The following LOC128462377 variants were observed in gnomAD, a reference collection of about 807,000 sequenced individuals.
chr16:89,381,886 G>A, the LOC128462377 span, among the ~76,000 whole-genome samples: 6 of 152,240 alleles, frequency 3.9e-5, no homozygotes, highest in Admixed American at 2.0e-4. Flanking sequence ...GGCCACTCAC[G>A]TGGTGACCAC....
the LOC128462377 span, among the ~76,000 whole-genome samples, chr16:89,395,027 A>T: frequency 2.0e-5 from 3 of 152,254 alleles, no homozygotes; most frequent in Non-Finnish European, 4.4e-5. Context: ...AGTCACTGCA[A>T]TCCAGATCAT....
chr16:89,338,503 G>A, the LOC128462377 span, among the ~76,000 whole-genome samples: 1 of 151,416 alleles, frequency 6.6e-6, no homozygotes, highest in Admixed American at 6.6e-5. Flanking sequence ...GCCGAGGCGG[G>A]CAATCACCTG....
the LOC128462377 span, among the ~76,000 whole-genome samples, chr16:89,391,205 G>A: frequency 6.7e-6 from 1 of 149,714 alleles, no homozygotes; most frequent in South Asian, 2.1e-4. Flanking sequence ...TCCAGCCTGG[G>A]CGACAGAGCG....
At chr16:89,324,547 G>T in the LOC128462377 span, 1 of 455,972 alleles carries the variant, frequency 2.2e-6, no homozygotes, top group East Asian at 6.9e-5. Flanking sequence ...GTCAGTGGAC[G>T]GGGAGAGGCC....
the LOC128462377 span, among the ~76,000 whole-genome samples, chr16:89,329,995 A>AAAAATAAAATAAATAAAATAAAAT: frequency 6.8e-6 from 1 of 146,212 alleles, no homozygotes; most frequent in African/African-American, 2.6e-5. Context: ...ACCTTGTCTC[A>AAAAATAAAATAAATAAAATAAAAT]AAAATAAAAT....
At chr16:89,345,131 T>A in the LOC128462377 span, among the ~76,000 whole-genome samples, 31 of 151,340 alleles carry the variant, frequency 2.0e-4, no homozygotes, top group African/African-American at 7.3e-4. Flanking sequence ...TCTGGGAGCA[T>A]CCACCAGGAA....
chr16:89,383,666 C>T, the LOC128462377 span, among the ~76,000 whole-genome samples: 2 of 152,062 alleles, frequency 1.3e-5, no homozygotes, highest in Non-Finnish European at 2.9e-5. Flanking sequence ...CCCCTACCCT[C>T]GGACCAGCAA....
the LOC128462377 span, among the ~76,000 whole-genome samples, chr16:89,364,537 G>C: frequency 6.6e-6 from 1 of 152,146 alleles, no homozygotes; most frequent in Non-Finnish European, 1.5e-5. Flanking sequence ...AAACAGCGCT[G>C]AGCACAGCAG....
chr16:89,414,037 C>A, the LOC128462377 span, among the ~76,000 whole-genome samples: 3 of 149,438 alleles, frequency 2.0e-5, no homozygotes, highest in South Asian at 4.2e-4. Context: ...CCTGCACACC[C>A]TCCGCCACGG....
the LOC128462377 span, among the ~76,000 whole-genome samples, chr16:89,342,436 A>G: frequency 1.3e-5 from 2 of 152,230 alleles, no homozygotes; most frequent in Admixed American, 6.5e-5. Flanking sequence ...AATACTCTGG[A>G]CCAGGTTTGC....
At chr16:89,357,075 A>G in the LOC128462377 span, among the ~76,000 whole-genome samples, 9 of 152,364 alleles carry the variant, frequency 5.9e-5, no homozygotes, top group East Asian at 1.5e-3. Flanking sequence ...CAGAATAGCC[A>G]AAGGGCAGTG....
At chr16:89,346,872 T>C in the LOC128462377 span, among the ~76,000 whole-genome samples, 46 of 152,028 alleles carry the variant, frequency 3.0e-4, no homozygotes, top group African/African-American at 1.1e-3. Flanking sequence ...AAAGCAAACA[T>C]GTAACAGAGA....
chr16:89,321,370 G>C, the LOC128462377 span: 2 of 152,076 alleles, frequency 1.3e-5, no homozygotes, highest in African/African-American at 4.8e-5. Flanking sequence ...GACACCTGTC[G>C]GGCGGGGCAG....
chr16:89,368,967 G>T, the LOC128462377 span, among the ~76,000 whole-genome samples: 1 of 152,090 alleles, frequency 6.6e-6, no homozygotes, highest in Admixed American at 6.5e-5. Flanking sequence ...CTTCGTGCTC[G>T]CCTGGAGGGA....
the LOC128462377 span, among the ~76,000 whole-genome samples, chr16:89,351,591 C>T: frequency 6.6e-6 from 1 of 152,230 alleles, no homozygotes; most frequent in Non-Finnish European, 1.5e-5. Context: ...CGAAGCTTCT[C>T]TCTGTGTTTG....
the LOC128462377 span, among the ~76,000 whole-genome samples, chr16:89,334,144 T>TAAA: frequency 5.3e-3 from 218 of 41,374 alleles, 19 homozygotes; most frequent in African/African-American, 0.013. Context: ...CCCTGTGTTT[T>TAAA]AAAAAAAAAA....
the LOC128462377 span, among the ~76,000 whole-genome samples, chr16:89,417,448 G>A: frequency 2.6e-5 from 4 of 152,140 alleles, no homozygotes; most frequent in Non-Finnish European, 4.4e-5. Flanking sequence ...GAAGGAGGGA[G>A]GACTCTGCCC....
chr16:89,383,859 A>G, the LOC128462377 span, among the ~76,000 whole-genome samples: 3 of 151,700 alleles, frequency 2.0e-5, no homozygotes, highest in African/African-American at 7.3e-5. Flanking sequence ...CCCAAACACC[A>G]CCTCCAAGCT....
chr16:89,318,586 G>A, the LOC128462377 span, among the ~76,000 whole-genome samples: 3 of 152,164 alleles, frequency 2.0e-5, no homozygotes, highest in Non-Finnish European at 4.4e-5. Context: ...CAGCTCCACT[G>A]TGAGCCTCTC....
Sources: allele counts gnomAD v4.1 joint callset (sites outside exome capture counted in the v4.1 genomes callset), GRCh38; gene constraint gnomAD v4.1.1; transcripts MANE v1.5.